Variants in COL23A1 observed in about 807,000 individuals in gnomAD.
COL23A1 encodes the protein collagen type XXIII alpha 1 chain.
In COL23A1, 97 loss-of-function variants were observed where a neutral mutation model predicts 99.3. That is an observed-to-expected ratio of 0.98 (90% CI 0.83 to 1.16). The LOEUF is 1.16. Among genes scored for constraint, COL23A1 ranks in the 50% most tolerant of loss-of-function variants. COL23A1 has a pLI of 0.00. For synonymous variants in COL23A1, 320 were observed against 308.2 expected (o/e 1.04, Z -0.40); for missense variants, 762 against 757.4 (o/e 1.01, Z -0.07).
intron 2 of COL23A1, among the ~76,000 whole-genome samples, chr5:178,343,739 T>C (rs1483576936): frequency 6.6e-6 from 1 of 151,790 alleles, no homozygotes; most frequent in Non-Finnish European, 1.5e-5. Flanking sequence ...CTTGGCTCAC[T>C]GCAACCTCTG....
chr5:178,326,845 G>T (rs1308909425), intron 2 of COL23A1, among the ~76,000 whole-genome samples: 1 of 152,142 alleles, frequency 6.6e-6, no homozygotes, highest in Middle Eastern at 3.2e-3. Flanking sequence ...TCAGCCTCCT[G>T]GGTAGCTGGG....
chr5:178,280,313 G>C lies in COL23A1; in HGVS notation c.441+8011C>G, dbSNP rs1756828102. On this transcript the variant is annotated intron_variant, in intron 5 of 28. Coordinates refer to ENST00000390654, the MANE Select transcript of COL23A1 (RefSeq NM_173465.4). This position sits in a 1 kb window ranked among gnomAD's most constrained non-coding sequence, Gnocchi z 4.9. ...GCTTCCCTGGCTGGCATTGGTAATGGACAGAGCAGTGGGAACGGTCCCTGA... is the reference window on the plus strand; with the variant it reads ...GCTTCCCTGGCTGGCATTGGTAATGCACAGAGCAGTGGGAACGGTCCCTGA... Among the ~76,000 whole-genome samples, 1 of 152,220 alleles carries C rather than the reference G, an allele frequency of 6.6e-6. No homozygotes were observed. The highest frequency in any genetic ancestry group is 1.5e-5 in the Non-Finnish European group (1 of 68,042).
At chr5:178,497,815 C>T (rs1019495647) in intron 2 of COL23A1, among the ~76,000 whole-genome samples, 12 of 151,718 alleles carry the variant, frequency 7.9e-5, no homozygotes, top group Non-Finnish European at 1.8e-4. Context: ...ACCAAGAATG[C>T]AATTTTATTA....
At chr5:178,562,345 G>A (rs1325821411) in intron 1 of COL23A1, 4 of 227,304 alleles carry the variant, frequency 1.8e-5, no homozygotes, top group African/African-American at 7.0e-5. Flanking sequence ...ACGAGGTCAG[G>A]AGATCGAGAC....
At chr5:178,527,254 GCTGA>G (rs1760361197) in intron 2 of COL23A1, among the ~76,000 whole-genome samples, 2 of 152,212 alleles carry the variant, frequency 1.3e-5, no homozygotes, top group Admixed American at 6.5e-5. Context: ...GCTGGTCTGA[GCTGA>G]CTGACACTCA....
intron 2 of COL23A1, among the ~76,000 whole-genome samples, chr5:178,530,822 G>C (rs943844219): frequency 7.2e-5 from 11 of 152,166 alleles, no homozygotes; most frequent in African/African-American, 2.7e-4. Flanking sequence ...GCAGATACCA[G>C]CTATCTTTGC....
At chr5:178,555,307 G>A (rs1314046225) in intron 2 of COL23A1, among the ~76,000 whole-genome samples, 1 of 152,114 alleles carries the variant, frequency 6.6e-6, no homozygotes, top group Non-Finnish European at 1.5e-5. Context: ...TACGAATATG[G>A]GAGGACACAG....
chr5:178,428,179 A>G lies in COL23A1; in HGVS notation c.362-121260T>C, dbSNP rs1435901809. On this transcript the variant is annotated intron_variant, in intron 2 of 28. Transcript: ENST00000390654. The surrounding 1 kb of genome is among the most constrained non-coding windows in gnomAD (Gnocchi z 5.0). ...ACAGGGAAAAGAGAACGAGGAATCC[A>G]AAGTCCTGAGCAATCGTGTCCCCTT... is the stretch of plus-strand genomic sequence containing the variant. Among the ~76,000 whole-genome samples, 1 of 152,216 alleles carries G rather than the reference A, an allele frequency of 6.6e-6. No individual in the cohort carries two copies. The highest frequency in any genetic ancestry group is 1.5e-5 in the Non-Finnish European group (1 of 68,044).
chr5:178,286,004 C>A (rs1050423157), intron 5 of COL23A1, among the ~76,000 whole-genome samples: 1 of 152,204 alleles, frequency 6.6e-6, no homozygotes, highest in African/African-American at 2.4e-5. Flanking sequence ...AACGAGGGGT[C>A]TGGAGGCACA....
chr5:178,272,406 A>G (rs1756340986), intron 5 of COL23A1, among the ~76,000 whole-genome samples: 1 of 152,112 alleles, frequency 6.6e-6, no homozygotes, highest in Admixed American at 6.5e-5. Context: ...GCAGCAGGAA[A>G]CCAGGCAGTT....
intron 2 of COL23A1, among the ~76,000 whole-genome samples, chr5:178,408,973 A>AAAAC (rs1554161384): frequency 4.8e-5 from 3 of 61,912 alleles, no homozygotes; most frequent in Admixed American, 2.1e-4. Context: ...AAAAAAAAAA[A>AAAAC]ATACACACAC....
chr5:178,271,669 C>T (rs745694754), intron 5 of COL23A1, among the ~76,000 whole-genome samples: 2 of 152,176 alleles, frequency 1.3e-5, no homozygotes, highest in South Asian at 2.1e-4. Flanking sequence ...ATGGCAAGAA[C>T]GATAATGCTG....
intron 12 of COL23A1, among the ~76,000 whole-genome samples, chr5:178,258,539 G>T (rs947528189): frequency 6.6e-6 from 1 of 151,002 alleles, no homozygotes; most frequent in Non-Finnish European, 1.5e-5. Flanking sequence ...GGGACTACAG[G>T]CGCCCGCCAC....
At chr5:178,588,574 TGAGA>T (rs979889302) in intron 1 of COL23A1, among the ~76,000 whole-genome samples, 6 of 152,172 alleles carry the variant, frequency 3.9e-5, no homozygotes, top group Admixed American at 3.3e-4. Flanking sequence ...CCAGCAGGGC[TGAGA>T]GAGAGTTTTA....
At chr5:178,515,742 C>A (rs924992392) in intron 2 of COL23A1, among the ~76,000 whole-genome samples, 2 of 152,166 alleles carry the variant, frequency 1.3e-5, no homozygotes, top group African/African-American at 4.8e-5. Flanking sequence ...ACACTCAGGG[C>A]TTCTCCCTCT....
chr5:178,286,190 C>T (rs2913836), intron 5 of COL23A1, among the ~76,000 whole-genome samples: 75,949 of 152,100 alleles, frequency 0.5, 22,008 homozygotes, highest in Non-Finnish European at 0.67. Flanking sequence ...TGACAGGGTG[C>T]CCTCATCCCT....
chr5:178,451,405 C>T (rs905553071), intron 2 of COL23A1, among the ~76,000 whole-genome samples: 1 of 152,046 alleles, frequency 6.6e-6, no homozygotes, highest in African/African-American at 2.4e-5. Flanking sequence ...CCTGTAATCC[C>T]AGCACTTTGA....
chr5:178,312,981 G>A (rs1320610014), intron 2 of COL23A1, among the ~76,000 whole-genome samples: 3 of 152,234 alleles, frequency 2.0e-5, no homozygotes, highest in East Asian at 1.9e-4. Flanking sequence ...CAAACAGAAC[G>A]TGCACTGATA....
chr5:178,419,363 C>T (rs1765477088), intron 2 of COL23A1, among the ~76,000 whole-genome samples: 2 of 152,234 alleles, frequency 1.3e-5, no homozygotes, highest in African/African-American at 4.8e-5. Context: ...CAAGGCGAGC[C>T]TCCACCCTTC....
Sources: gnomAD v4.1 joint callset for allele counts (sites outside exome capture counted in the v4.1 genomes callset) on GRCh38, gnomAD v4.1.1 for gene constraint, Gnocchi (gnomAD v3.1) non-coding constraint, MANE v1.5 for transcripts, NCBI Gene and HGNC (gene_info 2026-07-23, HGNC 2026-07-21) for gene names.